Variants in RCBTB1 observed in about 807,000 individuals in gnomAD.
RCBTB1 encodes the protein RCC1 and BTB domain containing protein 1.
A neutral mutation model predicts 62.4 loss-of-function variants in RCBTB1; 46 were observed. The ratio of observed to expected loss-of-function variants is 0.74; its 90% CI spans 0.58 to 0.94. The LOEUF (loss-of-function observed/expected upper bound fraction) is 0.94, where lower values mean the gene tolerates loss of function less well. RCBTB1 is among the 40% of genes least tolerant of loss of function. The pLI is 0.00. For missense variants in RCBTB1, 565 were observed against 654.9 expected (o/e 0.86, Z 1.50); for synonymous variants, 222 against 245.8 (o/e 0.90, Z 0.91).
rs1034816531 is a variant in RCBTB1 at position 49,546,405 on chromosome 13, G to A, written c.1046-1542C>T. On this transcript the variant is annotated intron_variant, in intron 9 of 12. Transcript: ENST00000378302. ...TAGGACAGCAGTCCCCAACCTTTTT[G>A]GTACCAGGGACCAGTTTTGTGGAAG... 3 of 967,780 alleles carry A rather than the reference G, an allele frequency of 3.1e-6. No homozygotes were observed. In the African/African-American group the frequency reaches 5.3e-5, roughly 17 times the overall value. 59.9% of individuals were successfully genotyped at this position (967,780 alleles called of 1,614,324 possible). A position where few individuals can be genotyped will look rare whatever the true frequency, so the allele number is the denominator to read the frequency against.
At chr13:49,548,148 T>C (rs1283269345) in intron 9 of RCBTB1, among the ~76,000 whole-genome samples, 1 of 151,876 alleles carries the variant, frequency 6.6e-6, no homozygotes, top group African/African-American at 2.4e-5. Context: ...TCCCAGCACT[T>C]TGGGAGGCTG....
chr13:49,553,723 AG>A (rs1019119182), intron 6 of RCBTB1, among the ~76,000 whole-genome samples: 1 of 152,164 alleles, frequency 6.6e-6, no homozygotes, highest in Non-Finnish European at 1.5e-5. Context: ...TGGAGCGGAA[AG>A]GGGGAATGGA....
intron 4 of RCBTB1, among the ~76,000 whole-genome samples, chr13:49,561,327 C>A (rs9568258): frequency 0.24 from 37,048 of 152,016 alleles, 5,828 homozygotes; most frequent in African/African-American, 0.44. Context: ...ACAGCCCACA[C>A]AAACTCAGAG....
chr13:49,573,320 T>C (rs1279985486), intron 2 of RCBTB1, among the ~76,000 whole-genome samples: 1 of 152,216 alleles, frequency 6.6e-6, no homozygotes, highest in African/African-American at 2.4e-5. Context: ...TTCTATTTTT[T>C]GGCCTGCCAT....
chr13:49,542,207 C>A (rs1960427445), intron 10 of RCBTB1, among the ~76,000 whole-genome samples: 1 of 85,510 alleles, frequency 1.2e-5, no homozygotes, highest in Non-Finnish European at 2.3e-5. Context: ...GAGCAAAACT[C>A]CGTCTCAAAA....
At chr13:49,573,511 C>T (rs1030240773) in intron 2 of RCBTB1, among the ~76,000 whole-genome samples, 5 of 149,828 alleles carry the variant, frequency 3.3e-5, no homozygotes, top group South Asian at 2.1e-4. Context: ...TGCTGTGGCA[C>T]GATCTTGGCT....
intron 1 of RCBTB1, among the ~76,000 whole-genome samples, chr13:49,581,492 G>A (rs1029181656): frequency 1.3e-5 from 2 of 152,164 alleles, no homozygotes; most frequent in Non-Finnish European, 2.9e-5. Flanking sequence ...GGTACCTGTG[G>A]GATATTAAAG....
In RCBTB1 at chr13:49,537,018, C is replaced by T. The variant is rs572917466; in HGVS notation, c.1456-2756G>A. Among the ~76,000 whole-genome samples, 3 of 152,328 alleles carry T rather than the reference C, an allele frequency of 2.0e-5. No homozygotes were observed. In the South Asian group the frequency reaches 6.2e-4, roughly 32 times the overall value. ...AGAGCATTGATGGTCTTAATATCCT[C>T]ATTTTAAAAAATGCTAATGCCGCCT... On this transcript the variant is annotated intron_variant, in intron 12 of 12. Transcript: ENST00000378302.
chr13:49,582,409 C>T (rs1266359515), intron 1 of RCBTB1, among the ~76,000 whole-genome samples: 1 of 152,194 alleles, frequency 6.6e-6, no homozygotes, highest in Non-Finnish European at 1.5e-5. Context: ...ATCGCTTGAA[C>T]TCGGGAGACG....
chr13:49,572,739 G>A (rs1227480643), intron 2 of RCBTB1, among the ~76,000 whole-genome samples: 1 of 152,202 alleles, frequency 6.6e-6, no homozygotes, highest in Non-Finnish European at 1.5e-5. Context: ...AGGAGGCAGA[G>A]GTTGCAGTGA....
intron 4 of RCBTB1, among the ~76,000 whole-genome samples, chr13:49,562,958 A>G (rs1962569464): frequency 6.6e-6 from 1 of 151,742 alleles, no homozygotes; most frequent in African/African-American, 2.4e-5. Context: ...TATTACAAGA[A>G]GAAATTTCCA....
chr13:49,557,492 T>C (rs1342065521), intron 5 of RCBTB1, among the ~76,000 whole-genome samples: 1 of 152,158 alleles, frequency 6.6e-6, no homozygotes, highest in Non-Finnish European at 1.5e-5. Flanking sequence ...AAAGTTATTT[T>C]TTCCAAACTC....
chr13:49,579,624 G>GA (rs66531473), intron 2 of RCBTB1, among the ~76,000 whole-genome samples: 28 of 139,016 alleles, frequency 2.0e-4, no homozygotes, highest in South Asian at 4.6e-4. Flanking sequence ...ACTTGTCTCA[G>GA]AAAAAAAAAA....
chr13:49,551,963 T>G (rs866154293), intron 7 of RCBTB1, among the ~76,000 whole-genome samples: 18 of 151,150 alleles, frequency 1.2e-4, no homozygotes, highest in East Asian at 3.9e-4. Flanking sequence ...TTTCCATTTT[T>G]TTTTTTTTTT....
intron 8 of RCBTB1, chr13:49,551,120 G>A (rs1423250358): frequency 7.6e-6 from 4 of 526,278 alleles, no homozygotes; most frequent in Non-Finnish European, 1.3e-5. Context: ...GGGAAGGGAA[G>A]GGAAGGGGGG....
At chr13:49,544,338 G>GC (rs1566219480) in intron 10 of RCBTB1, among the ~76,000 whole-genome samples, 1 of 151,942 alleles carries the variant, frequency 6.6e-6, no homozygotes, top group East Asian at 1.9e-4. Flanking sequence ...GCATGGTGGC[G>GC]CCTGCCTGTA....
At chr13:49,569,429 A>G (rs201363899) in intron 2 of RCBTB1, among the ~76,000 whole-genome samples, 1 of 151,788 alleles carries the variant, frequency 6.6e-6, no homozygotes, top group Non-Finnish European at 1.5e-5. Context: ...CAAAAAAAAA[A>G]GGCCAGGCAC....
At chr13:49,562,538 T>A (rs9562896) in intron 4 of RCBTB1, among the ~76,000 whole-genome samples, 138,472 of 147,252 alleles carry the variant, frequency 0.94, 65,155 homozygotes, top group African/African-American at 0.95. Flanking sequence ...AAAAAAAATT[T>A]GGAAGATCAC....
At chr13:49,549,936 G>C (rs1961181477) in intron 8 of RCBTB1, 3 of 983,458 alleles carry the variant, frequency 3.1e-6, no homozygotes, top group Non-Finnish European at 3.6e-6. Context: ...AGCAAATGAG[G>C]AAAGTGGACA....
Sources: allele counts gnomAD v4.1 joint callset (sites outside exome capture counted in the v4.1 genomes callset), GRCh38; gene constraint gnomAD v4.1.1; transcripts MANE v1.5; gene names NCBI Gene and HGNC (gene_info 2026-07-23, HGNC 2026-07-21).